NXPH1: variants seen among roughly 807,000 people sequenced by gnomAD.
NXPH1 encodes neurexophilin-1.
In NXPH1, 5 loss-of-function variants were observed where a neutral mutation model predicts 23.7. The ratio of observed to expected loss-of-function variants is 0.21; its 90% CI spans 0.11 to 0.44. NXPH1 has a LOEUF of 0.44. Ranked by LOEUF, NXPH1 falls within the 20% of genes least tolerant of loss-of-function variation. The pLI, the probability that NXPH1 is intolerant of heterozygous loss-of-function variation, is 0.99. For synonymous variants in NXPH1, 144 were observed against 122.2 expected (o/e 1.18, Z -1.18); for missense variants, 324 against 321.6 (o/e 1.01, Z -0.06).
chr7:8,712,792 A>G (rs993213467), intron 2 of NXPH1, among the ~76,000 whole-genome samples: 4 of 152,206 alleles, frequency 2.6e-5, no homozygotes, highest in South Asian at 2.1e-4. Flanking sequence ...AGTAAATTGC[A>G]GAGTCAGAAT....
chr7:8,438,297 G>T (rs1816230914), intron 2 of NXPH1, among the ~76,000 whole-genome samples: 1 of 152,204 alleles, frequency 6.6e-6, no homozygotes, highest in Admixed American at 6.5e-5. Flanking sequence ...TTTGTTTGTA[G>T]CTGCACATTG....
chr7:8,743,900 G>C (rs973618612), intron 2 of NXPH1, among the ~76,000 whole-genome samples: 7 of 152,056 alleles, frequency 4.6e-5, no homozygotes, highest in Admixed American at 4.6e-4. Flanking sequence ...TAGCCAGGAT[G>C]GTCTCTACCT....
At chr7:8,492,559 A>G (rs1817266091) in intron 2 of NXPH1, among the ~76,000 whole-genome samples, 1 of 148,038 alleles carries the variant, frequency 6.8e-6, no homozygotes, top group Non-Finnish European at 1.5e-5. Flanking sequence ...GGTGAATAAA[A>G]CACACATGAT....
intron 2 of NXPH1, among the ~76,000 whole-genome samples, chr7:8,612,221 TC>T (rs1424399987): frequency 2.0e-5 from 3 of 151,700 alleles, no homozygotes; most frequent in African/African-American, 7.3e-5. Flanking sequence ...TCTTTTTCTT[TC>T]TTTTTTTTAC....
chr7:8,519,469 G>C (rs1211308540), intron 2 of NXPH1, among the ~76,000 whole-genome samples: 1 of 152,094 alleles, frequency 6.6e-6, no homozygotes, highest in Non-Finnish European at 1.5e-5. Flanking sequence ...TTTCAGCAAT[G>C]AACACATTTA....
Position 8,594,763 on chromosome 7 carries a change from T to C in NXPH1, c.55-156245T>C, listed in dbSNP as rs192053195. Among the ~76,000 whole-genome samples, 4 of 152,164 alleles carry C rather than the reference T, an allele frequency of 2.6e-5. No individual in the cohort carries two copies. The East Asian group carries it at 7.8e-4, about 30-fold the overall frequency. On this transcript the variant is annotated intron_variant, in intron 2 of 2. Transcript: ENST00000405863. The stretch of plus-strand genomic sequence containing the variant: ...CTGGTTCAGGGAAGGAAGATTCTAC[T>C]TAATAGAAACCTGGTGTCCCTAAAG...
chr7:8,557,430 T>G (rs1026396253), intron 2 of NXPH1, among the ~76,000 whole-genome samples: 50 of 151,676 alleles, frequency 3.3e-4, no homozygotes, highest in African/African-American at 1.2e-3. Flanking sequence ...CATGCTTGCT[T>G]TGGGTCCTGT....
intron 2 of NXPH1, among the ~76,000 whole-genome samples, chr7:8,675,033 G>A (rs1005890657): frequency 3.9e-5 from 6 of 152,134 alleles, no homozygotes; most frequent in African/African-American, 1.4e-4. Context: ...TTTTTGGACT[G>A]GGTATGGATG....
At chr7:8,714,439 G>C (rs922764775) in intron 2 of NXPH1, among the ~76,000 whole-genome samples, 1 of 151,932 alleles carries the variant, frequency 6.6e-6, no homozygotes, top group South Asian at 2.1e-4. Flanking sequence ...TCCCCACTGT[G>C]GCTGAGTTGG....
Position 8,696,002 on chromosome 7 carries a change from C to G in NXPH1, c.55-55006C>G, listed in dbSNP as rs549320054. Reference sequence around the variant, plus strand: ...GATTTGGAAGCATAGTCTGAAGTAACTTCTAATAGCATAAAGTTTCAAGTT... The same window carrying G: ...GATTTGGAAGCATAGTCTGAAGTAAGTTCTAATAGCATAAAGTTTCAAGTT... On this transcript the variant is annotated intron_variant, in intron 2 of 2. Coordinates refer to ENST00000405863, the MANE Select transcript of NXPH1 (RefSeq NM_152745.3). 7.2e-4 allele frequency among the ~76,000 whole-genome samples: 110 copies of G among 152,260 alleles called. 1 individual carries two copies. Among genetic ancestry groups the G allele is most frequent in the African/African-American group, 2.4e-3 (100 of 41,564 alleles).
At chr7:8,482,576 A>G (rs1385219204) in intron 2 of NXPH1, among the ~76,000 whole-genome samples, 1 of 152,122 alleles carries the variant, frequency 6.6e-6, no homozygotes, top group Non-Finnish European at 1.5e-5. Flanking sequence ...ACTGTTCTCT[A>G]TTTTGGCCTT....
chr7:8,660,509 A>G (rs1436250221), intron 2 of NXPH1, among the ~76,000 whole-genome samples: 2 of 152,252 alleles, frequency 1.3e-5, no homozygotes, highest in Non-Finnish European at 2.9e-5. Flanking sequence ...TGAATTTTAA[A>G]GATTGCAATG....
chr7:8,711,510 T>G (rs1779795138), intron 2 of NXPH1, among the ~76,000 whole-genome samples: 1 of 152,160 alleles, frequency 6.6e-6, no homozygotes, highest in South Asian at 2.1e-4. Context: ...CACAGTTAAG[T>G]CATGTTACAA....
At chr7:8,646,634 T>C (rs1300588804) in intron 2 of NXPH1, among the ~76,000 whole-genome samples, 1 of 152,124 alleles carries the variant, frequency 6.6e-6, no homozygotes, top group African/African-American at 2.4e-5. Flanking sequence ...CTGAGATTTT[T>C]GTTTTTAAAG....
At chr7:8,691,113 C>A (rs1333593125) in intron 2 of NXPH1, among the ~76,000 whole-genome samples, 1 of 152,198 alleles carries the variant, frequency 6.6e-6, no homozygotes, top group South Asian at 2.1e-4. Context: ...ATAATCCTAA[C>A]TTTCCAATGA....
At chr7:8,661,443 TTTG>T (rs1820669048) in intron 2 of NXPH1, among the ~76,000 whole-genome samples, 1 of 152,266 alleles carries the variant, frequency 6.6e-6, no homozygotes, top group African/African-American at 2.4e-5. Flanking sequence ...CCCACCTTAT[TTTG>T]TTGTTGCTGT....
rs570691250 is a variant in NXPH1, at chr7:8,671,278, T to G, written c.55-79730T>G. On this transcript the variant is annotated intron_variant, in intron 2 of 2. Coordinates refer to ENST00000405863, the MANE Select transcript of NXPH1 (RefSeq NM_152745.3). ...ATGTTAAGAAGAACATATGTTTGAC[T>G]AAGATTTTATCATATTAAGCACCCA... Among the ~76,000 whole-genome samples the G allele has an allele frequency of 2.2e-3, 339 of 152,322 alleles. 2 individuals carry two copies. The highest frequency in any genetic ancestry group is 7.8e-3 in the African/African-American group (324 of 41,572).
intron 2 of NXPH1, among the ~76,000 whole-genome samples, chr7:8,458,238 T>C (rs1816633966): frequency 6.6e-6 from 1 of 152,232 alleles, no homozygotes; most frequent in Admixed American, 6.5e-5. Flanking sequence ...TTAGGGTCTC[T>C]GGAATTGACT....
chr7:8,544,020 A>G (rs2128618784), intron 2 of NXPH1, among the ~76,000 whole-genome samples: 1 of 151,646 alleles, frequency 6.6e-6, no homozygotes, highest in South Asian at 2.1e-4. Flanking sequence ...GTTAATTAGA[A>G]AGAGAGCTAC....
Sources: gnomAD v4.1 joint callset for allele counts (sites outside exome capture counted in the v4.1 genomes callset) on GRCh38, gnomAD v4.1.1 for gene constraint, MANE v1.5 for transcripts, NCBI Gene and HGNC (gene_info 2026-07-23, HGNC 2026-07-21) for gene names.